Variants in PIGK observed in about 807,000 individuals in gnomAD.
PIGK encodes GPI-anchor transamidase.
A neutral mutation model predicts 50.6 loss-of-function variants in PIGK; 42 were observed. That is an observed-to-expected ratio of 0.83 (90% CI 0.65 to 1.07). The LOEUF (loss-of-function observed/expected upper bound fraction) is 1.07. Ranked by LOEUF, PIGK falls within the 50% of genes least tolerant of loss-of-function variation. The probability of loss-of-function intolerance (pLI) is 0.00; values close to 1 mark genes in which losing one functional copy is unlikely to be tolerated. For synonymous variants in PIGK, 151 were observed against 156.0 expected, an observed-to-expected ratio of 0.97 and a Z score of 0.24; for missense variants, 448 against 488.7, an observed-to-expected ratio of 0.92 and a Z score of 0.78.
intron 3 of PIGK, among the ~76,000 whole-genome samples, chr1:77,198,159 G>C (rs558571394): frequency 6.6e-6 from 1 of 151,766 alleles, no homozygotes; most frequent in South Asian, 2.1e-4. Flanking sequence ...AAGCATATTG[G>C]CATTTATCTT....
At chr1:77,181,597 C>T (rs186213953) in intron 3 of PIGK, among the ~76,000 whole-genome samples, 3 of 152,220 alleles carry the variant, frequency 2.0e-5, no homozygotes, top group Non-Finnish European at 4.4e-5. Flanking sequence ...GCTTATCTTC[C>T]AGAAAAGCAT....
intron 3 of PIGK, chr1:77,195,243 A>C: frequency 8.0e-7 from 1 of 1,249,326 alleles, no homozygotes; most frequent in Non-Finnish European, 1.2e-6. Flanking sequence ...GGCGACCTGC[A>C]GCTGTGGAGA....
In PIGK at chr1:77,180,978, C is replaced by T. The variant is rs139014573; in HGVS notation, c.240-11583G>A. 3.6e-3 allele frequency among the ~76,000 whole-genome samples: 547 copies of T among 152,096 alleles called. 1 individual carries two copies. The highest frequency in any genetic ancestry group is 6.2e-3 in the Non-Finnish European group (424 of 67,964). On this transcript the variant is annotated intron_variant, in intron 3 of 10. Coordinates refer to ENST00000370812, the MANE Select transcript of PIGK (RefSeq NM_005482.3). Reference sequence around the variant, plus strand: ...TTCTTTCTTCTTTCCTAGATAAAAACAAAGAAAACTGCTAATATTTTCTTC... The same window carrying T: ...TTCTTTCTTCTTTCCTAGATAAAAATAAAGAAAACTGCTAATATTTTCTTC...
intron 8 of PIGK, among the ~76,000 whole-genome samples, chr1:77,157,453 A>T (rs192782757): frequency 3.4e-4 from 52 of 152,274 alleles, no homozygotes; most frequent in African/African-American, 1.2e-3. Context: ...TATTTTTTAA[A>T]CGATCATTAG....
chr1:77,187,250 T>G (rs1655771437), intron 3 of PIGK, among the ~76,000 whole-genome samples: 1 of 152,182 alleles, frequency 6.6e-6, no homozygotes, highest in African/African-American at 2.4e-5. Context: ...AAAGGCCATG[T>G]ATGCTCTGAA....
At chr1:77,122,191 G>T in intron 10 of PIGK, 84 bp downstream of exon 10, 1 of 866,278 alleles carries the variant, frequency 1.2e-6, no homozygotes, top group Non-Finnish European at 1.9e-6. Flanking sequence ...ATAGCACATT[G>T]ATTCTGAAAA....
At chr1:77,129,428 G>C in intron 9 of PIGK, 1 of 1,472,428 alleles carries the variant, frequency 6.8e-7, no homozygotes, top group Non-Finnish European at 9.4e-7. Context: ...CTGAACTTAA[G>C]GGTTTAGATG....
chr1:77,127,191 G>A (rs186807660), intron 9 of PIGK, among the ~76,000 whole-genome samples: 7 of 152,264 alleles, frequency 4.6e-5, no homozygotes, highest in African/African-American at 7.2e-5. Context: ...AGCCTATGAA[G>A]TTAGTCTTTA....
At chr1:77,133,575 G>C (rs1215994774) in intron 9 of PIGK, among the ~76,000 whole-genome samples, 1 of 152,150 alleles carries the variant, frequency 6.6e-6, no homozygotes, top group African/African-American at 2.4e-5. Flanking sequence ...GCATACTTAA[G>C]AAAGGTTATA....
At chr1:77,144,491 T>A (rs1249873944) in intron 9 of PIGK, among the ~76,000 whole-genome samples, 1 of 151,908 alleles carries the variant, frequency 6.6e-6, no homozygotes, top group East Asian at 1.9e-4. Context: ...CTTTGACATA[T>A]TTAAGAATAT....
intron 3 of PIGK, among the ~76,000 whole-genome samples, chr1:77,181,334 A>G (rs1453856539): frequency 6.6e-6 from 1 of 152,156 alleles, no homozygotes; most frequent in Non-Finnish European, 1.5e-5. Flanking sequence ...CAAATAGATG[A>G]ACAATCTTTC....
At chr1:77,163,787 G>A (rs537859101) in intron 6 of PIGK, 59 bp downstream of exon 6, 25 of 879,676 alleles carry the variant, frequency 2.8e-5, no homozygotes, top group Non-Finnish European at 3.6e-5. Context: ...ACAAATCTAC[G>A]AACCATGTGA....
At chr1:77,208,529 A>G (rs1341123889) in intron 2 of PIGK, among the ~76,000 whole-genome samples, 1 of 152,170 alleles carries the variant, frequency 6.6e-6, no homozygotes, top group Non-Finnish European at 1.5e-5. Context: ...CCTCTTGAAC[A>G]TGGAGGGGCT....
In PIGK at chr1:77,154,567, G is replaced by C; in HGVS notation, c.868C>G (p.Leu290Val). 1 of 1,612,652 alleles carries C rather than the reference G, an allele frequency of 6.2e-7. No individual in the cohort carries two copies. Among genetic ancestry groups the C allele is most frequent in the Non-Finnish European group, 8.5e-7 (1 of 1,178,876 alleles). ...ACATTTTTAGGATCCCTCTGAAAAA[G>C]ATCAGTGCGATGTCCAGGAGTAGAC... is the stretch of plus-strand genomic sequence containing the variant. ...CVSTPGHRTDLFQRDPKNVLI... is the reference protein window; with the variant it reads ...CVSTPGHRTDVFQRDPKNVLI... The change falls in exon 9 of 11, where the codon CTT becomes GTT. Residue 290 changes from leucine to valine, a missense_variant. Physicochemically the swap from Leu to Val is conservative, Grantham distance 32. Transcript: ENST00000370812.
At chr1:77,149,856 G>A (rs998821840) in intron 9 of PIGK, among the ~76,000 whole-genome samples, 1 of 151,800 alleles carries the variant, frequency 6.6e-6, no homozygotes, top group African/African-American at 2.4e-5. Flanking sequence ...CACAAAACAA[G>A]TCTCAACAAA....
rs146834374 is a variant in PIGK, at chr1:77,208,311, A to C, written c.148-1580T>G. The stretch of plus-strand genomic sequence containing the variant: ...AATATGTAAAATATTGGACAAAAAA[A>C]AGAAAACTGTAGTTGTAATACAATG... On this transcript the variant is annotated intron_variant, in intron 2 of 10. Transcript: ENST00000370812. Among the ~76,000 whole-genome samples, 657 of 152,262 alleles carry C rather than the reference A, an allele frequency of 4.3e-3. 12 individuals are homozygous for C. The East Asian group carries it at 0.046, about 11-fold the overall frequency.
chr1:77,167,097 T>TA (rs1655251547), intron 4 of PIGK, among the ~76,000 whole-genome samples: 1 of 152,190 alleles, frequency 6.6e-6, no homozygotes, highest in Non-Finnish European at 1.5e-5. Context: ...AACTCAGCAC[T>TA]TTGTGAGGCA....
intron 10 of PIGK, among the ~76,000 whole-genome samples, chr1:77,109,990 T>C (rs1468538088): frequency 6.6e-6 from 1 of 152,160 alleles, no homozygotes; most frequent in Non-Finnish European, 1.5e-5. Context: ...AGCCAAATCA[T>C]GAGTGAACTC....
At chr1:77,193,756 A>G (rs960713788) in intron 3 of PIGK, among the ~76,000 whole-genome samples, 4 of 152,210 alleles carry the variant, frequency 2.6e-5, no homozygotes, top group Admixed American at 6.5e-5. Flanking sequence ...AAAGAAGGAT[A>G]TACTATTCTG....
Sources: gnomAD v4.1 joint callset for allele counts (sites outside exome capture counted in the v4.1 genomes callset) on GRCh38, gnomAD v4.1.1 for gene constraint, MANE v1.5 for transcripts, NCBI Gene and HGNC (gene_info 2026-07-23, HGNC 2026-07-21) for gene names.